CRHBP: variants seen among roughly 807,000 people sequenced by gnomAD.
CRHBP encodes the protein corticotropin-releasing hormone-binding protein.
CRHBP carries 19 observed loss-of-function variants against 34.9 expected under a neutral mutation model. That is an observed-to-expected ratio of 0.55 (90% CI 0.38 to 0.80). The LOEUF (loss-of-function observed/expected upper bound fraction) is 0.80, where lower values mean the gene tolerates loss of function less well. Among genes scored for constraint, CRHBP ranks in the 30% least tolerant of loss-of-function variants. The probability of loss-of-function intolerance (pLI) is 0.00; values close to 1 mark genes in which losing one functional copy is unlikely to be tolerated. For synonymous variants in CRHBP, 154 were observed against 153.4 expected (o/e 1.00, Z -0.03); for missense variants, 328 against 409.2 (o/e 0.80, Z 1.71).
chr5:76,959,498 T>C (rs1284066860), intron 5 of CRHBP, among the ~76,000 whole-genome samples: 1 of 152,252 alleles, frequency 6.6e-6, no homozygotes, highest in East Asian at 1.9e-4. Flanking sequence ...AAATTCATGC[T>C]GAGTTTGACC....
intron 6 of CRHBP, among the ~76,000 whole-genome samples, chr5:76,963,811 G>A (rs1487789655): frequency 2.0e-5 from 3 of 152,034 alleles, no homozygotes; most frequent in African/African-American, 7.2e-5. Flanking sequence ...AATAGTAGAT[G>A]TATCATCAAT....
At chr5:76,973,939 G>A (rs1170238135), downstream of CRHBP, among the ~76,000 whole-genome samples, 3 of 151,674 alleles carry the variant, frequency 2.0e-5, no homozygotes, top group Non-Finnish European at 2.9e-5. Flanking sequence ...GAGAAGCTGG[G>A]ATTACAGGCA....
intron 4 of CRHBP, among the ~76,000 whole-genome samples, 161 bp downstream of exon 4, chr5:76,956,024 T>G (rs1268392109): frequency 2.6e-5 from 4 of 152,238 alleles, no homozygotes; most frequent in Non-Finnish European, 5.9e-5. Flanking sequence ...TTCTTTATTA[T>G]GAAAATCAAA....
At chr5:76,953,464 C>A in intron 1 of CRHBP, 137 bp from the exon 2 acceptor site, 1 of 1,018,194 alleles carries the variant, frequency 9.8e-7, no homozygotes, top group Non-Finnish European at 1.5e-6. Flanking sequence ...ACCTTCCCGT[C>A]TTCTCCGGAC....
At chr5:76,966,208 G>A (rs1745858740) in intron 6 of CRHBP, among the ~76,000 whole-genome samples, 1 of 152,124 alleles carries the variant, frequency 6.6e-6, no homozygotes, top group South Asian at 2.1e-4. Context: ...AGTAGAGATG[G>A]GGTTTCTCCA....
chr5:76,974,791 T>C (rs1165981816), intron 2 of CRHBP, among the ~76,000 whole-genome samples: 1 of 152,192 alleles, frequency 6.6e-6, no homozygotes, highest in Non-Finnish European at 1.5e-5. Context: ...TTTTCTTCAT[T>C]TGTTAAGACA....
intron 3 of CRHBP, among the ~76,000 whole-genome samples, 164 bp from the exon 4 acceptor site, chr5:76,955,489 T>G (rs1230692140): frequency 6.6e-6 from 1 of 152,198 alleles, no homozygotes; most frequent in Non-Finnish European, 1.5e-5. Flanking sequence ...ACCCTCACCA[T>G]CCAATATATA....
rs114655486 is a variant in CRHBP, at chr5:76,960,537, G to A, written c.693+1648G>A. ...CACTGTGGCTTCCATGCAATGAATG[G>A]GCTGTAGGGCCATGCCACCCTTTTT... is the stretch of plus-strand genomic sequence containing the variant. On this transcript the variant is annotated intron_variant, in intron 5 of 6. Coordinates refer to ENST00000274368, the MANE Select transcript of CRHBP (RefSeq NM_001882.4). Among the ~76,000 whole-genome samples the A allele has an allele frequency of 2.7e-3, 415 of 152,258 alleles. 3 individuals carry two copies. The highest frequency in any genetic ancestry group is 9.5e-3 in the African/African-American group (395 of 41,548).
At chr5:76,980,272 A>G (rs1376477334) in intron 3 of CRHBP, among the ~76,000 whole-genome samples, 2 of 146,326 alleles carry the variant, frequency 1.4e-5, no homozygotes, top group African/African-American at 5.2e-5. Flanking sequence ...AAAAAAAAAA[A>G]AAAAAGAAAG....
At chr5:76,968,339 G>A (rs563034781) in intron 6 of CRHBP, among the ~76,000 whole-genome samples, 2 of 151,886 alleles carry the variant, frequency 1.3e-5, no homozygotes, top group African/African-American at 4.8e-5. Flanking sequence ...TCCTTAGAGG[G>A]CCGTACTGTT....
intron 6 of CRHBP, among the ~76,000 whole-genome samples, chr5:76,967,404 T>G (rs1745875977): frequency 6.6e-6 from 1 of 152,218 alleles, no homozygotes; most frequent in Non-Finnish European, 1.5e-5. Flanking sequence ...TTACTTCATT[T>G]AAACCCAGGT....
Position 76,958,757 on chromosome 5 carries a change from T to C in CRHBP, c.561T>C (p.Ser187=). 6.2e-7 allele frequency: 1 copy of C among 1,607,850 alleles called. No homozygotes were observed. Among genetic ancestry groups the C allele is most frequent in the African/African-American group, 1.3e-5 (1 of 74,702 alleles). The change falls in exon 5 of 7, where the codon TCT becomes TCC. Residue 187 remains serine (S), a synonymous_variant. Coordinates refer to ENST00000274368, the MANE Select transcript of CRHBP (RefSeq NM_001882.4). ...DPNLFPCNVI[S]QTPNGKFTLV... is the part of the protein sequence containing the mutation. The stretch of plus-strand genomic sequence containing the variant: ...TCTACAAAGCTTGCAATGTCATTTC[T>C]CAGACTCCAAATGGAAAGTTTACCC...
intron 4 of CRHBP, among the ~76,000 whole-genome samples, chr5:76,956,595 C>T (rs535210393): frequency 3.3e-5 from 5 of 152,150 alleles, no homozygotes; most frequent in Admixed American, 1.3e-4. Flanking sequence ...ATTAGCTGGG[C>T]GTGGTGGTGG....
chr5:76,959,296 C>T (rs1745740610), intron 5 of CRHBP, among the ~76,000 whole-genome samples: 1 of 152,204 alleles, frequency 6.6e-6, no homozygotes, highest in Non-Finnish European at 1.5e-5. Context: ...GGAAGTATCT[C>T]ATTGACAGAA....
At chr5:76,953,756 G>C (rs1314114530) in intron 2 of CRHBP, 62 bp downstream of exon 2, 4 of 1,476,956 alleles carry the variant, frequency 2.7e-6, no homozygotes, top group Admixed American at 2.0e-5. Flanking sequence ...ACTCTGTGCG[G>C]GGGGCAGAGG....
chr5:76,955,939 A>C, intron 4 of CRHBP, 76 bp downstream of exon 4: 2 of 1,323,198 alleles, frequency 1.5e-6, no homozygotes, highest in Non-Finnish European at 2.1e-6. Context: ...GCACAGACTT[A>C]AAGAAATTTG....
At chr5:76,973,186 G>C (rs865828780), downstream of CRHBP, among the ~76,000 whole-genome samples, 1 of 152,086 alleles carries the variant, frequency 6.6e-6, no homozygotes, top group Non-Finnish European at 1.5e-5. Flanking sequence ...CATACAATGG[G>C]CCTGTCTAAA....
rs1470988205 is a variant in CRHBP at position 76,955,675 on chromosome 5, A to G, written c.356A>G (p.Lys119Arg). 2 of 1,614,126 alleles carry G rather than the reference A, an allele frequency of 1.2e-6. No individual in the cohort carries two copies. The highest frequency in any genetic ancestry group is 8.5e-7 in the Non-Finnish European group (1 of 1,179,982). ...AAGGTATTTGATGGTTGGATTCTCA[A>G]GGGGGAGAAGTTCCCCAGTTCCCAG... The part of the protein sequence containing the change: ...FLKVFDGWIL[K>R]GEKFPSSQDH... The change falls in exon 4 of 7, where the codon AAG becomes AGG. Residue 119 changes from lysine (K) to arginine (R), a missense_variant. Around this residue, in one of 3 missense-constraint regions of CRHBP, gnomAD observed 173 missense variants for 172.2 expected, o/e 1.00. Coordinates refer to ENST00000274368, the MANE Select transcript of CRHBP (RefSeq NM_001882.4).
In CRHBP at chr5:76,955,772, A is replaced by T; in HGVS notation, c.453A>T (p.Arg151Ser). The change falls in exon 4 of 7, where the codon AGA becomes AGT. Residue 151 changes from arginine (R) to serine (S), a missense_variant. Transcript: ENST00000274368. ...GTGGTCTTAGCAGGAGGAGCATCAG[A>T]TCTTCCCAGAATGTGGCCATGATCT... ...CESGLSRRSIRSSQNVAMIFF... is the reference protein window; with the variant it reads ...CESGLSRRSISSSQNVAMIFF... 1.9e-6 allele frequency: 3 copies of T among 1,614,206 alleles called. No homozygotes were observed. Among genetic ancestry groups the T allele is most frequent in the Non-Finnish European group, 2.5e-6 (3 of 1,180,040 alleles).
Sources: gnomAD v4.1 joint callset for allele counts (sites outside exome capture counted in the v4.1 genomes callset) on GRCh38, gnomAD v4.1.1 for gene constraint, gnomAD v4.1.1 regional missense constraint, MANE v1.5 for transcripts, NCBI Gene and HGNC (gene_info 2026-07-23, HGNC 2026-07-21) for gene names.